The following FRMPD4 variants were observed in gnomAD, a reference collection of about 807,000 sequenced individuals.
FRMPD4 encodes FERM and PDZ domain-containing protein 4.
In FRMPD4, 22 loss-of-function variants were observed where a neutral mutation model predicts 94.1. The ratio of observed to expected loss-of-function variants is 0.23; its 90% CI spans 0.17 to 0.33. The LOEUF is 0.33. Among genes scored for constraint, FRMPD4 ranks in the 10% least tolerant of loss-of-function variants. The probability of loss-of-function intolerance (pLI) is 1.00; values close to 1 mark genes in which losing one functional copy is unlikely to be tolerated. For missense variants in FRMPD4, 1,111 were observed against 1,339.9 expected (o/e 0.83, Z 2.67); for synonymous variants, 631 against 548.6 (o/e 1.15, Z -2.10).
chrX:12,084,186 G>GGC (rs1555921480), intron 3 of FRMPD4, among the ~76,000 whole-genome samples: 1 of 95,239 alleles, frequency 1.0e-5, no homozygotes, highest in East Asian at 3.8e-4. Flanking sequence ...GTGGGGGGGG[G>GGC]GGTAATTGAA....
At chrX:12,349,552 T>C (rs1170213014) in intron 1 of FRMPD4, among the ~76,000 whole-genome samples, 2 of 111,257 alleles carry the variant, frequency 1.8e-5, no homozygotes, top group South Asian at 3.8e-4. Flanking sequence ...AAAAGAGACA[T>C]TTCTGAGCAT....
chrX:12,077,974 C>T (rs193115437), intron 3 of FRMPD4, among the ~76,000 whole-genome samples: 1 of 111,996 alleles, frequency 8.9e-6, no homozygotes, highest in Admixed American at 9.5e-5. Flanking sequence ...TTAGCTAGGT[C>T]CTCTGCTCAA....
At chrX:12,293,596 G>A (rs2054722413) in intron 1 of FRMPD4, among the ~76,000 whole-genome samples, 1 of 112,585 alleles carries the variant, frequency 8.9e-6, no homozygotes, top group Non-Finnish European at 1.9e-5. Flanking sequence ...CTAATATTAG[G>A]TAATTTTGCT....
At chrX:12,113,119 G>A (rs2055380553) in intron 3 of FRMPD4, among the ~76,000 whole-genome samples, 1 of 111,924 alleles carries the variant, frequency 8.9e-6, no homozygotes, top group African/African-American at 3.2e-5. Flanking sequence ...AACTACTATG[G>A]TCAGGTCATC....
At chrX:12,174,270 G>A (rs970573418) in intron 1 of FRMPD4, among the ~76,000 whole-genome samples, 2 of 112,013 alleles carry the variant, frequency 1.8e-5, no homozygotes, top group Non-Finnish European at 3.8e-5. Context: ...ACTTTCATGT[G>A]TCATGAAATA....
intron 3 of FRMPD4, among the ~76,000 whole-genome samples, chrX:12,612,112 T>C (rs1023150826): frequency 3.6e-5 from 4 of 112,012 alleles, no homozygotes; most frequent in Non-Finnish European, 7.5e-5. Context: ...AGACACATTT[T>C]TTCCTAAATG....
chrX:12,275,916 A>G (rs899282145), intron 1 of FRMPD4, among the ~76,000 whole-genome samples: 15 of 111,638 alleles, frequency 1.3e-4, no homozygotes, highest in East Asian at 2.8e-4. Flanking sequence ...CAAGACCACA[A>G]TGCAGGTTAG....
At chrX:11,889,119 A>G (rs756093867) in intron 3 of FRMPD4, among the ~76,000 whole-genome samples, 217 of 112,427 alleles carry the variant, frequency 1.9e-3, no homozygotes, top group Middle Eastern at 4.6e-3. Context: ...TTAGTGCACT[A>G]TTATTAATTG....
Position 12,208,197 on chromosome X carries a change from G to A in FRMPD4, c.41+69185G>A, listed in dbSNP as rs760190449. Among the ~76,000 whole-genome samples, 9 of 110,826 alleles carry A rather than the reference G, an allele frequency of 8.1e-5. No homozygotes were observed. The East Asian group carries it at 8.5e-4, about 10-fold the overall frequency. On this transcript the variant is annotated intron_variant, in intron 1 of 16. Transcript: ENST00000675598. ...GAGCAGAATTCACAGTCTATACAAC[G>A]TATTATCAATAATATCCAGCATATA...
intron 3 of FRMPD4, among the ~76,000 whole-genome samples, chrX:11,973,155 C>T (rs1042016777): frequency 1.8e-5 from 2 of 112,629 alleles, no homozygotes; most frequent in Non-Finnish European, 3.8e-5. Flanking sequence ...ATTCACGCTT[C>T]TTCTCTTCTT....
At chrX:12,678,237 A>G (rs149740005) in intron 5 of FRMPD4, among the ~76,000 whole-genome samples, 2,147 of 112,466 alleles carry the variant, frequency 0.019, 45 homozygotes, top group African/African-American at 0.065. Context: ...GGCCTTTCAC[A>G]TCGTCTTTAT....
At chrX:12,582,754 C>A (rs5979671) in intron 2 of FRMPD4, among the ~76,000 whole-genome samples, 1 of 111,149 alleles carries the variant, frequency 9.0e-6, no homozygotes, top group Non-Finnish European at 1.9e-5. Flanking sequence ...TCTGTGCACA[C>A]AGGCAAAGCA....
At chrX:12,611,093 A>G (rs962127287) in intron 3 of FRMPD4, among the ~76,000 whole-genome samples, 2 of 112,514 alleles carry the variant, frequency 1.8e-5, no homozygotes, top group African/African-American at 3.2e-5. Context: ...CAGTATACAG[A>G]TGTTCCGCTG....
At chrX:12,707,264 AAC>A (rs1156431157) in intron 12 of FRMPD4, among the ~76,000 whole-genome samples, 1 of 112,481 alleles carries the variant, frequency 8.9e-6, no homozygotes, top group Non-Finnish European at 1.9e-5. Flanking sequence ...ACTGTGCTAT[AAC>A]ATTTACTTTC....
intron 1 of FRMPD4, among the ~76,000 whole-genome samples, chrX:11,842,997 T>A (rs1196376789): frequency 8.9e-6 from 1 of 112,157 alleles, no homozygotes; most frequent in Non-Finnish European, 1.9e-5. Context: ...TTACTGAGAA[T>A]TTTTGTCATG....
chrX:12,161,642 C>T (rs1056765581), intron 1 of FRMPD4, among the ~76,000 whole-genome samples: 5 of 111,648 alleles, frequency 4.5e-5, no homozygotes, highest in African/African-American at 1.6e-4. Flanking sequence ...ACCATTGCTC[C>T]GAAGTCCCTA....
chrX:12,194,483 G>A (rs970231018), intron 1 of FRMPD4, among the ~76,000 whole-genome samples: 1 of 110,539 alleles, frequency 9.0e-6, no homozygotes, highest in African/African-American at 3.3e-5. Context: ...AATCACAGTG[G>A]CACTTAAAAA....
intron 1 of FRMPD4, among the ~76,000 whole-genome samples, chrX:12,406,991 C>T (rs761108424): frequency 4.5e-5 from 5 of 110,976 alleles, no homozygotes; most frequent in Admixed American, 2.9e-4. Context: ...CCTTTTCCAG[C>T]GCCTAGAGGC....
intron 1 of FRMPD4, among the ~76,000 whole-genome samples, chrX:12,290,771 C>T (rs1243538480): frequency 1.8e-5 from 2 of 111,371 alleles, no homozygotes; most frequent in Non-Finnish European, 3.8e-5. Flanking sequence ...TTAATGTAAT[C>T]TGTTCTTGAC....
Sources: allele counts gnomAD v4.1 joint callset (sites outside exome capture counted in the v4.1 genomes callset), GRCh38; gene constraint gnomAD v4.1.1; transcripts MANE v1.5; gene names NCBI Gene and HGNC (gene_info 2026-07-23, HGNC 2026-07-21).